FOXF2: variants seen among roughly 807,000 people sequenced by gnomAD.
The protein encoded by FOXF2 is forkhead box protein F2.
A neutral mutation model predicts 29.1 loss-of-function variants in FOXF2; 15 were observed. The observed-to-expected ratio is 0.52, with a 90% CI of 0.35 to 0.79. The LOEUF is 0.79. FOXF2 is among the 30% of genes least tolerant of loss of function. The pLI is 0.01. For missense variants in FOXF2, 675 were observed against 667.1 expected, an observed-to-expected ratio of 1.01 and a Z score of -0.13; for synonymous variants, 337 against 316.5, an observed-to-expected ratio of 1.06 and a Z score of -0.69.
intron 1 of FOXF2, 73 bp from the exon 2 acceptor site, chr6:1,394,623 G>A: frequency 6.7e-7 from 1 of 1,485,856 alleles, no homozygotes. Flanking sequence ...GTACTCTGAG[G>A]CAAAATAAGA....
At position 1,390,041 on chromosome 6, in the gene FOXF2, C is replaced by CCCGCCG. The variant is rs747033801; in HGVS notation, c.118_123dup (p.Ala40_Ala41dup). The CCCGCCG allele has an allele frequency of 6.4e-4, 873 of 1,354,840 alleles. 1 individual carries two copies. Among genetic ancestry groups the CCCGCCG allele is most frequent in the African/African-American group, 1.5e-3 (98 of 64,562 alleles). 83.9% of individuals were successfully genotyped at this position (1,354,840 alleles called of 1,614,324 possible). A position where few individuals can be genotyped will look rare whatever the true frequency, so the allele number is the denominator to read the frequency against. ...CCAGGCCGCCCTGATGAGCCCGCCG[C>CCCGCCG]CCGCCGCCGCCGCCGCCGCCGCCGC... is the stretch of plus-strand genomic sequence containing the variant. On this transcript the variant is annotated inframe_insertion, in exon 1 of 2. Transcript: ENST00000645481. This position sits in a 1 kb window ranked among gnomAD's most constrained non-coding sequence, Gnocchi z 8.5.
At position 1,390,575 on chromosome 6, in the gene FOXF2, G is replaced by C; in HGVS notation, c.628G>C (p.Val210Leu). ...CQALKPMYHRVVSGLGFGASL... is the reference protein window; with the variant it reads ...CQALKPMYHRLVSGLGFGASL... Reference sequence around the variant, plus strand: ...GGCGCTCAAGCCCATGTACCACCGCGTGGTGAGCGGCTTGGGCTTCGGGGC... The same window carrying C: ...GGCGCTCAAGCCCATGTACCACCGCCTGGTGAGCGGCTTGGGCTTCGGGGC... Residue 210 changes from valine to leucine, a missense_variant, in exon 1 of 2, where the codon GTG becomes CTG. By Grantham distance (32) the Val-to-Leu change is conservative (BLOSUM62 1). This residue lies in a region of FOXF2 where 451 missense variants were observed against 437.2 expected (regional missense o/e 1.03). Coordinates refer to ENST00000645481, the MANE Select transcript of FOXF2 (RefSeq NM_001452.2). This position sits in a 1 kb window ranked among gnomAD's most constrained non-coding sequence, Gnocchi z 8.5. The C allele has an allele frequency of 6.2e-7, 1 of 1,601,020 alleles. No homozygotes were observed. Among genetic ancestry groups the C allele is most frequent in the Non-Finnish European group, 8.5e-7 (1 of 1,176,934 alleles).
At chr6:1,393,903 C>T (rs1758848016) in intron 1 of FOXF2, among the ~76,000 whole-genome samples, 1 of 152,184 alleles carries the variant, frequency 6.6e-6, no homozygotes, top group Admixed American at 6.5e-5. Flanking sequence ...GTCAAGCGGC[C>T]CGGTGCAGGC....
chr6:1,390,514 C>G lies in FOXF2; in HGVS notation c.567C>G (p.Phe189Leu), dbSNP rs752272028. ...ASEFMFEEGS[F>L]RRRPRGFRRK... is the part of the protein sequence containing the mutation. ...AGTTCATGTTCGAGGAGGGCTCGTT[C>G]CGCCGCCGGCCGCGCGGCTTCAGGC... The change falls in exon 1 of 2, where the codon TTC (phenylalanine) becomes TTG (leucine). Residue 189 changes from phenylalanine (F) to leucine (L), a missense_variant. Around this residue, in one of 3 missense-constraint regions of FOXF2, gnomAD observed 451 missense variants for 437.2 expected, o/e 1.03. Coordinates refer to ENST00000645481, the MANE Select transcript of FOXF2 (RefSeq NM_001452.2). This position sits in a 1 kb window ranked among gnomAD's most constrained non-coding sequence, Gnocchi z 8.5. 3.7e-6 allele frequency: 6 copies of G among 1,610,138 alleles called. No homozygotes were observed. In the South Asian group the frequency reaches 6.6e-5, roughly 18 times the overall value.
chr6:1,390,847 C>A lies in FOXF2; in HGVS notation c.900C>A (p.Ala300=). The A allele has an allele frequency of 7.3e-7, 1 of 1,366,936 alleles. No homozygotes were observed. The highest frequency in any genetic ancestry group is 9.3e-7 in the Non-Finnish European group (1 of 1,078,576). 84.7% of individuals were successfully genotyped at this position (1,366,936 alleles called of 1,614,324 possible). ...CGGGACCCGGGGGCGTCGGTGCGGC[C>A]GGGGGCGGCGGCGGCGGCGACTACG... The part of the protein sequence containing the change: ...VPAGPGGVGA[A]GGGGGGDYGP... Residue 300 remains alanine, a synonymous_variant, in exon 1 of 2, where the codon GCC becomes GCA. Transcript: ENST00000645481. This position sits in a 1 kb window ranked among gnomAD's most constrained non-coding sequence, Gnocchi z 8.5.
Position 1,390,705 on chromosome 6 carries a change from A to G in FOXF2, c.758A>G (p.Tyr253Cys). 1 of 1,464,516 alleles carries G rather than the reference A, an allele frequency of 6.8e-7. No homozygotes were observed. Among genetic ancestry groups the G allele is most frequent in the Non-Finnish European group, 8.9e-7 (1 of 1,118,796 alleles). 90.7% of individuals were successfully genotyped at this position (1,464,516 alleles called of 1,614,324 possible). A position where few individuals can be genotyped will look rare whatever the true frequency, so the allele number is the denominator to read the frequency against. The change falls in exon 1 of 2, where the codon TAC becomes TGC. Residue 253 changes from tyrosine (Y) to cysteine (C), a missense_variant. Around this residue, in one of 3 missense-constraint regions of FOXF2, gnomAD observed 451 missense variants for 437.2 expected, o/e 1.03. Coordinates refer to ENST00000645481, the MANE Select transcript of FOXF2 (RefSeq NM_001452.2). This position sits in a 1 kb window ranked among gnomAD's most constrained non-coding sequence, Gnocchi z 8.5. ...GGCCTCGACATGATGCCCGCGGGCTACGACGCCGGCGCGGGCGCCCCCAGC... is the reference window on the plus strand; with the variant it reads ...GGCCTCGACATGATGCCCGCGGGCTGCGACGCCGGCGCGGGCGCCCCCAGC... ...YGGLDMMPAGYDAGAGAPSHA... is the reference protein window; with the variant it reads ...YGGLDMMPAGCDAGAGAPSHA...
At position 1,390,896 on chromosome 6, in the gene FOXF2, G is replaced by A; in HGVS notation, c.949G>A (p.Val317Ile). 1 of 1,537,156 alleles carries A rather than the reference G, an allele frequency of 6.5e-7. No homozygotes were observed. The highest frequency in any genetic ancestry group is 1.8e-4 in the Middle Eastern group (1 of 5,524). ...CGGGCCGGACAGCAGCAGCAGCCCG[G>A]TACCCTCGTCCCCGGCCATGGCGAG... ...DYGPDSSSSP[V>I]PSSPAMASAI... The change falls in exon 1 of 2, where the codon GTA (valine) becomes ATA (isoleucine). Residue 317 changes from valine to isoleucine, a missense_variant. Around this residue, in one of 3 missense-constraint regions of FOXF2, gnomAD observed 451 missense variants for 437.2 expected, o/e 1.03. Coordinates refer to ENST00000645481, the MANE Select transcript of FOXF2 (RefSeq NM_001452.2). This position sits in a 1 kb window ranked among gnomAD's most constrained non-coding sequence, Gnocchi z 8.5.
chr6:1,390,092 T>A lies in FOXF2; in HGVS notation c.145T>A (p.Ser49Thr). ...CGCCCCGGAGACCACCTCCTCCTCC[T>A]CGTCGTCGTCCTCCGCCTCCTGCGC... The part of the protein sequence containing the change: ...AAAPETTSSS[S>T]SSSSASCASS... Residue 49 changes from serine (S) to threonine (T), a missense_variant, in exon 1 of 2, where the codon TCG becomes ACG. Physicochemically the swap from Ser to Thr is moderately conservative, Grantham distance 58. Coordinates refer to ENST00000645481, the MANE Select transcript of FOXF2 (RefSeq NM_001452.2). This position sits in a 1 kb window ranked among gnomAD's most constrained non-coding sequence, Gnocchi z 8.5. 7.0e-7 allele frequency: 1 copy of A among 1,422,608 alleles called. No individual in the cohort carries two copies. The highest frequency in any genetic ancestry group is 9.3e-7 in the Non-Finnish European group (1 of 1,076,772). The allele number at this position is 1,422,608 out of a possible 1,614,324, so 88.1% of individuals were successfully genotyped here. A position where few individuals can be genotyped will look rare whatever the true frequency, so the allele number is the denominator to read the frequency against.
chr6:1,392,656 A>G (rs1758813492), intron 1 of FOXF2, among the ~76,000 whole-genome samples: 1 of 152,152 alleles, frequency 6.6e-6, no homozygotes, highest in African/African-American at 2.4e-5. Context: ...AGCACACAGG[A>G]AAGAGACTCC....
Position 1,389,748 on chromosome 6 carries a change from C to A in FOXF2, c.-200C>A. 2 of 153,714 alleles carry A rather than the reference C, an allele frequency of 1.3e-5. No homozygotes were observed. The highest frequency in any genetic ancestry group is 2.8e-5 in the Non-Finnish European group (2 of 70,534). The allele number at this position is 153,714 out of a possible 1,614,324, so 9.5% of individuals were successfully genotyped here. ...GAGGGATGCGCCGGGCGTTGCCTCC[C>A]GCCCGCCGCCGCCGCCGCCGCCAGA... On this transcript the variant is annotated 5_prime_UTR_variant, in exon 1 of 2. Coordinates refer to ENST00000645481, the MANE Select transcript of FOXF2 (RefSeq NM_001452.2).
Position 1,395,176 on chromosome 6 carries a change from A to T in FOXF2, c.*317A>T. ...TGTGGGATCTTCGTTGCCTTCAGTA[A>T]TCAGGGTGTGAAAAAAGCAGACAAG... On this transcript the variant is annotated 3_prime_UTR_variant, in exon 2 of 2. Transcript: ENST00000645481. 1 of 396,214 alleles carries T rather than the reference A, an allele frequency of 2.5e-6. No homozygotes were observed. Among genetic ancestry groups the T allele is most frequent in the South Asian group, 2.8e-5 (1 of 35,408 alleles). 24.5% of individuals were successfully genotyped at this position (396,214 alleles called of 1,614,324 possible). A position where few individuals can be genotyped will look rare whatever the true frequency, so the allele number is the denominator to read the frequency against.
chr6:1,390,047 G>GC lies in FOXF2; in HGVS notation c.102dup (p.Ala35ArgfsTer129), dbSNP rs1204809246. 11 of 1,335,360 alleles carry GC rather than the reference G, an allele frequency of 8.2e-6. No homozygotes were observed. Among genetic ancestry groups the GC allele is most frequent in the South Asian group, 6.5e-5 (4 of 61,776 alleles). The allele number at this position is 1,335,360 out of a possible 1,614,324, so 82.7% of individuals were successfully genotyped here. A position where few individuals can be genotyped will look rare whatever the true frequency, so the allele number is the denominator to read the frequency against. On this transcript the variant is annotated frameshift_variant, in exon 1 of 2. Coordinates refer to ENST00000645481, the MANE Select transcript of FOXF2 (RefSeq NM_001452.2). LOFTEE classifies it high-confidence loss of function. The surrounding 1 kb of genome is among the most constrained non-coding windows in gnomAD (Gnocchi z 8.5). Reference sequence around the variant, plus strand: ...CGCCCTGATGAGCCCGCCGCCCGCCGCCGCCGCCGCCGCCGCCGCCGCCCC... The same window carrying GC: ...CGCCCTGATGAGCCCGCCGCCCGCCGCCCGCCGCCGCCGCCGCCGCCGCCCC...
intron 1 of FOXF2, among the ~76,000 whole-genome samples, chr6:1,391,614 G>C (rs949589894): frequency 1.1e-4 from 17 of 152,202 alleles, no homozygotes; most frequent in African/African-American, 3.9e-4. Flanking sequence ...GTTTGCAGCT[G>C]GGCAAGTGTT....
rs1180951960 is a variant in FOXF2, at chr6:1,390,565, G to A, written c.618G>A (p.Met206Ile). The change falls in exon 1 of 2, where the codon ATG becomes ATA. Residue 206 changes from methionine to isoleucine, a missense_variant. Physicochemically the swap from Met to Ile is conservative, Grantham distance 10. Coordinates refer to ENST00000645481, the MANE Select transcript of FOXF2 (RefSeq NM_001452.2). This position sits in a 1 kb window ranked among gnomAD's most constrained non-coding sequence, Gnocchi z 8.5. ...FRRKCQALKPMYHRVVSGLGF... is the reference protein window; with the variant it reads ...FRRKCQALKPIYHRVVSGLGF... ...GGAAGTGCCAGGCGCTCAAGCCCATGTACCACCGCGTGGTGAGCGGCTTGG... is the reference window on the plus strand; with the variant it reads ...GGAAGTGCCAGGCGCTCAAGCCCATATACCACCGCGTGGTGAGCGGCTTGG... The A allele has an allele frequency of 1.2e-6, 2 of 1,603,652 alleles. No individual in the cohort carries two copies. Among genetic ancestry groups the A allele is most frequent in the Non-Finnish European group, 8.5e-7 (1 of 1,177,798 alleles).
Position 1,390,733 on chromosome 6 carries a change from C to A in FOXF2, c.786C>A (p.His262Gln). The change falls in exon 1 of 2, where the codon CAC becomes CAA. Residue 262 changes from histidine to glutamine, a missense_variant. This residue lies in a region of FOXF2 where 451 missense variants were observed against 437.2 expected (regional missense o/e 1.03). Transcript: ENST00000645481. The surrounding 1 kb of genome is among the most constrained non-coding windows in gnomAD (Gnocchi z 8.5). ...ACGCCGGCGCGGGCGCCCCCAGCCACGCGCACCCTCACCACCACCACCACC... is the reference window on the plus strand; with the variant it reads ...ACGCCGGCGCGGGCGCCCCCAGCCAAGCGCACCCTCACCACCACCACCACC... Reference protein sequence around the residue: ...GYDAGAGAPSHAHPHHHHHHH... With the variant: ...GYDAGAGAPSQAHPHHHHHHH... 7.0e-7 allele frequency: 1 copy of A among 1,426,740 alleles called. No individual in the cohort carries two copies. 88.4% of individuals were successfully genotyped at this position (1,426,740 alleles called of 1,614,324 possible).
rs149894274 is a variant in FOXF2, at chr6:1,393,541, T to C, written c.1172-1155T>C. 6.2e-3 allele frequency among the ~76,000 whole-genome samples: 940 copies of C among 151,900 alleles called. 7 individuals are homozygous for C. The highest frequency in any genetic ancestry group is 9.8e-3 in the Non-Finnish European group (666 of 67,938). ...GCAGCGCCGGGTGTGTTCGGGTAGGTGTTGCGGGCAAGGAAGTAGGCAGCG... is the reference window on the plus strand; with the variant it reads ...GCAGCGCCGGGTGTGTTCGGGTAGGCGTTGCGGGCAAGGAAGTAGGCAGCG... On this transcript the variant is annotated intron_variant, in intron 1 of 1. Coordinates refer to ENST00000645481, the MANE Select transcript of FOXF2 (RefSeq NM_001452.2).
At position 1,394,807 on chromosome 6, in the gene FOXF2, A is replaced by G. The variant is rs1758869785; in HGVS notation, c.1283A>G (p.Tyr428Cys). 6 of 1,614,120 alleles carry G rather than the reference A, an allele frequency of 3.7e-6. No homozygotes were observed. Among genetic ancestry groups the G allele is most frequent in the African/African-American group, 1.3e-5 (1 of 75,024 alleles). ...CATCCCTCAGCTAGCGGGTCGTATT[A>G]TCACCATCACCACCAGAGCGTCTGT... ...SFHPSASGSY[Y>C]HHHHQSVCQD... The change falls in exon 2 of 2, where the codon TAT (tyrosine) becomes TGT (cysteine). Residue 428 changes from tyrosine to cysteine, a missense_variant. Coordinates refer to ENST00000645481, the MANE Select transcript of FOXF2 (RefSeq NM_001452.2).
chr6:1,390,041 CCCGCCGCCGCCGCCGCCGCCG>C lies in FOXF2; in HGVS notation c.103_123del (p.Ala35_Ala41del), dbSNP rs747033801. 7.4e-7 allele frequency: 1 copy of C among 1,354,800 alleles called. No homozygotes were observed. The highest frequency in any genetic ancestry group is 9.5e-7 in the Non-Finnish European group (1 of 1,048,244). The allele number at this position is 1,354,800 out of a possible 1,614,324, so 83.9% of individuals were successfully genotyped here. A position where few individuals can be genotyped will look rare whatever the true frequency, so the allele number is the denominator to read the frequency against. ...CCAGGCCGCCCTGATGAGCCCGCCG[CCCGCCGCCGCCGCCGCCGCCG>C]CCGCCGCCCCGGAGACCACCTCCTC... On this transcript the variant is annotated inframe_deletion, in exon 1 of 2. Transcript: ENST00000645481. This position sits in a 1 kb window ranked among gnomAD's most constrained non-coding sequence, Gnocchi z 8.5.
At chr6:1,392,434 TCACACACACACACACACACA>T (rs71738664) in intron 1 of FOXF2, among the ~76,000 whole-genome samples, 3 of 107,676 alleles carry the variant, frequency 2.8e-5, no homozygotes, top group African/African-American at 6.8e-5. Flanking sequence ...CGGCTGTCAA[TCACACACACACACACACACA>T]CACACACACA....
Sources: allele counts gnomAD v4.1 joint callset (sites outside exome capture counted in the v4.1 genomes callset), GRCh38; gene constraint gnomAD v4.1.1; regional missense constraint gnomAD v4.1.1; non-coding constraint Gnocchi (gnomAD v3.1); transcripts MANE v1.5; gene names NCBI Gene and HGNC (gene_info 2026-07-23, HGNC 2026-07-21).